The following VPS13C variants were observed in gnomAD, a reference collection of about 807,000 sequenced individuals.
The protein encoded by VPS13C is vacuolar protein sorting 13 homolog C.
Under a neutral mutation model 456.8 loss-of-function variants are expected in VPS13C, and 358 were observed. The ratio of observed to expected loss-of-function variants is 0.78; its 90% CI spans 0.72 to 0.86. VPS13C has a LOEUF of 0.86. VPS13C is among the 40% of genes least tolerant of loss of function. VPS13C has a pLI of 0.00. For synonymous variants in VPS13C, 1,578 were observed against 1,486.7 expected (o/e 1.06, Z -1.41); for missense variants, 4,818 against 4,385.4 (o/e 1.10, Z -2.79).
intron 16 of VPS13C, among the ~76,000 whole-genome samples, chr15:61,998,438 GA>G (rs896333637): frequency 9.9e-5 from 15 of 151,938 alleles, no homozygotes; most frequent in African/African-American, 3.1e-4. Context: ...TAATGACAAT[GA>G]AAAAAAATCA....
chr15:61,984,188 G>A (rs1203650162), intron 19 of VPS13C, among the ~76,000 whole-genome samples, 176 bp from the exon 20 acceptor site: 2 of 152,176 alleles, frequency 1.3e-5, no homozygotes, highest in Non-Finnish European at 2.9e-5. Flanking sequence ...ACACAATCTG[G>A]TTTGCTGCTC....
In VPS13C at chr15:61,867,505, C is replaced by T. The variant is rs1596270340; in HGVS notation, c.10863+1154G>A. ...TTAGAGCCATTTGTGAAACAGAAAG[C>T]TATGTAATTCCATCATCAAGACTCA... is the stretch of plus-strand genomic sequence containing the variant. On this transcript the variant is annotated intron_variant, in intron 81 of 84. Coordinates refer to ENST00000644861, the MANE Select transcript of VPS13C (RefSeq NM_020821.3). This position sits in a 1 kb window ranked among gnomAD's most constrained non-coding sequence, Gnocchi z 5.0. 2 of 989,504 alleles carry T rather than the reference C, an allele frequency of 2.0e-6. No individual in the cohort carries two copies. Among genetic ancestry groups the T allele is most frequent in the Non-Finnish European group, 2.4e-6 (2 of 832,936 alleles). 61.3% of individuals were successfully genotyped at this position (989,504 alleles called of 1,614,324 possible). A position where few individuals can be genotyped will look rare whatever the true frequency, so the allele number is the denominator to read the frequency against.
At chr15:61,986,044 T>C (rs2046041080) in intron 18 of VPS13C, among the ~76,000 whole-genome samples, 1 of 151,534 alleles carries the variant, frequency 6.6e-6, no homozygotes, top group Non-Finnish European at 1.5e-5. Flanking sequence ...TCAAATCATC[T>C]CAATACCTAC....
chr15:61,977,318 A>G, intron 23 of VPS13C, 119 bp from the exon 24 acceptor site: 1 of 634,522 alleles, frequency 1.6e-6, no homozygotes, highest in Non-Finnish European at 2.5e-6. Context: ...GAAAATCACT[A>G]TAAATTAATC....
chr15:62,013,221 T>C (rs1366347179), intron 10 of VPS13C, 102 bp from the exon 11 acceptor site: 4 of 698,224 alleles, frequency 5.7e-6, no homozygotes, highest in Non-Finnish European at 8.7e-6. Context: ...ATTACCCAAA[T>C]GCCATTTTGA....
chr15:61,921,680 C>A (rs922920630), intron 55 of VPS13C, among the ~76,000 whole-genome samples: 1 of 152,052 alleles, frequency 6.6e-6, no homozygotes, highest in African/African-American at 2.4e-5. Context: ...TTACTGCCTG[C>A]CTTAAGGGAA....
chr15:61,914,810 C>A (rs993074858), intron 61 of VPS13C, among the ~76,000 whole-genome samples: 46 of 147,802 alleles, frequency 3.1e-4, no homozygotes, highest in African/African-American at 1.1e-3. Flanking sequence ...ATCCACCAGC[C>A]TCAGCCTCGC....
At chr15:61,983,322 A>G (rs1199464662) in intron 20 of VPS13C, among the ~76,000 whole-genome samples, 1 of 152,220 alleles carries the variant, frequency 6.6e-6, no homozygotes, top group African/African-American at 2.4e-5. Context: ...GAGATGATGG[A>G]TAAGATAGCA....
chr15:61,984,961 G>C lies in VPS13C; in HGVS notation c.1617C>G (p.Thr539=), dbSNP rs775805738. The change falls in exon 19 of 85, where the codon ACC becomes ACG. Residue 539 remains threonine, a synonymous_variant. Coordinates refer to ENST00000644861, the MANE Select transcript of VPS13C (RefSeq NM_020821.3). ...TCTTGTTTTCTCTTATCGTAACAGAGGTGCTTACTAACTTCAGGGTCATAA... is the reference window on the plus strand; with the variant it reads ...TCTTGTTTTCTCTTATCGTAACAGACGTGCTTACTAACTTCAGGGTCATAA... ...AHIMTLKLVS[T]SVTIRENKNI... The C allele has an allele frequency of 8.1e-5, 129 of 1,602,342 alleles. No homozygotes were observed. The highest frequency in any genetic ancestry group is 1.0e-4 in the Non-Finnish European group (122 of 1,175,742).
chr15:61,878,700 T>A lies in VPS13C; in HGVS notation c.10049A>T (p.Lys3350Ile). 6.2e-7 allele frequency: 1 copy of A among 1,611,512 alleles called. No homozygotes were observed. The highest frequency in any genetic ancestry group is 8.5e-7 in the Non-Finnish European group (1 of 1,178,748). ...AACTGCAAACATTTCCTGTTTTTCTTTGTCTGATTCTTCACCTCCGGAACC... is the reference window on the plus strand; with the variant it reads ...AACTGCAAACATTTCCTGTTTTTCTATGTCTGATTCTTCACCTCCGGAACC... Reference protein sequence around the residue: ...SLGSGGEESDKEKQEMFAVHS... With the variant: ...SLGSGGEESDIEKQEMFAVHS... Residue 3350 changes from lysine (K) to isoleucine (I), a missense_variant, in exon 74 of 85, where the codon AAA (lysine) becomes ATA (isoleucine). Lys to Ile is a moderately radical substitution (Grantham distance 102). Transcript: ENST00000644861.
intron 9 of VPS13C, among the ~76,000 whole-genome samples, chr15:62,020,200 C>A (rs989850687): frequency 6.6e-6 from 1 of 151,740 alleles, no homozygotes. Context: ...AATTCATCTT[C>A]CCCTACTTCC....
At chr15:61,856,646 C>A (rs1893922130) in intron 82 of VPS13C, 4 of 312,160 alleles carry the variant, frequency 1.3e-5, no homozygotes, top group South Asian at 9.1e-5. Context: ...GTCAATCTTG[C>A]AGAATTCAGA....
intron 16 of VPS13C, among the ~76,000 whole-genome samples, chr15:61,998,126 C>A (rs972907809): frequency 6.6e-6 from 1 of 152,186 alleles, no homozygotes; most frequent in Non-Finnish European, 1.5e-5. Flanking sequence ...TATGTTCCAA[C>A]CCCAAAACCT....
chr15:62,042,194 C>T (rs1454722878), intron 2 of VPS13C, among the ~76,000 whole-genome samples: 4 of 152,006 alleles, frequency 2.6e-5, no homozygotes, highest in African/African-American at 9.7e-5. Context: ...CAGAGAGGTG[C>T]CAACAAATAA....
At position 61,875,055 on chromosome 15, in the gene VPS13C, T is replaced by C. The variant is rs117369028; in HGVS notation, c.10339-104A>G. 9.8e-3 allele frequency: 9,762 copies of C among 996,444 alleles called. 66 individuals are homozygous for C. Among genetic ancestry groups the C allele is most frequent in the Non-Finnish European group, 0.012 (8,817 of 732,828 alleles). 61.7% of individuals were successfully genotyped at this position (996,444 alleles called of 1,614,324 possible). On this transcript the variant is annotated intron_variant, in intron 76 of 84. Coordinates refer to ENST00000644861, the MANE Select transcript of VPS13C (RefSeq NM_020821.3). ...CAAGAAGAATCCAAATCTGTAAAAA[T>C]CCATAAACATTGTGATGAATCAATT...
At chr15:61,991,899 T>TA in intron 16 of VPS13C, 97 bp from the exon 17 acceptor site, 1 of 1,352,442 alleles carries the variant, frequency 7.4e-7, no homozygotes, top group Non-Finnish European at 1.0e-6. Context: ...TTTTTTTTTT[T>TA]TTAACGCTAC....
chr15:61,922,361 A>G, intron 54 of VPS13C, 36 bp downstream of exon 54: 3 of 1,567,426 alleles, frequency 1.9e-6, no homozygotes, highest in Non-Finnish European at 2.6e-6. Context: ...CGCACTTTCA[A>G]GAAGTCTCTG....
In VPS13C at chr15:61,949,598, A is replaced by C; in HGVS notation, c.4604T>G (p.Phe1535Cys). 2 of 1,594,904 alleles carry C rather than the reference A, an allele frequency of 1.3e-6. No homozygotes were observed. The highest frequency in any genetic ancestry group is 2.3e-5 in the South Asian group (2 of 86,594). ...DSTKQRLKVS[F>C]ASLDLVLHLE... The stretch of plus-strand genomic sequence containing the variant: ...ATGAAGTACTAAGTCTAAGGATGCA[A>C]ATGAAACCTAAGATAATGAACAATT... Residue 1535 changes from phenylalanine (F) to cysteine (C), a missense_variant, in exon 42 of 85, where the codon TTT (phenylalanine) becomes TGT (cysteine). Around this residue, in one of 3 missense-constraint regions of VPS13C, gnomAD observed 4,552 missense variants for 4,130.6 expected, o/e 1.10. Transcript: ENST00000644861.
In VPS13C at chr15:61,991,750, T is replaced by C; in HGVS notation, c.1406A>G (p.Lys469Arg). 6.2e-7 allele frequency: 1 copy of C among 1,613,618 alleles called. No homozygotes were observed. Among genetic ancestry groups the C allele is most frequent in the Non-Finnish European group, 8.5e-7 (1 of 1,179,726 alleles). Residue 469 changes from lysine (K) to arginine (R), a missense_variant, in exon 17 of 85, where the codon AAA (lysine) becomes AGA (arginine). Lys to Arg is a conservative substitution (Grantham distance 26). Coordinates refer to ENST00000644861, the MANE Select transcript of VPS13C (RefSeq NM_020821.3). The part of the protein sequence containing the change: ...LRKKSADTGE[K>R]RGGWFSGLWG... ...CAACCCACTAAACCAGCCTCCACGT[T>C]TCTCGCCTGTGTCAGCAGACTTTTT...
Sources: allele counts gnomAD v4.1 joint callset (sites outside exome capture counted in the v4.1 genomes callset), GRCh38; gene constraint gnomAD v4.1.1; regional missense constraint gnomAD v4.1.1; non-coding constraint Gnocchi (gnomAD v3.1); transcripts MANE v1.5; gene names NCBI Gene and HGNC (gene_info 2026-07-23, HGNC 2026-07-21).